The following TMEM131L variants were observed in gnomAD, a reference collection of about 807,000 sequenced individuals.
TMEM131L encodes transmembrane protein 131-like.
Under a neutral mutation model 192.2 loss-of-function variants are expected in TMEM131L, and 54 were observed. That is an observed-to-expected ratio of 0.28 (90% CI 0.23 to 0.35). TMEM131L has a LOEUF of 0.35. TMEM131L is among the 10% of genes least tolerant of loss of function. TMEM131L has a pLI of 1.00. For synonymous variants in TMEM131L, 701 were observed against 704.9 expected (o/e 0.99, Z 0.09); for missense variants, 1,888 against 1,972.9 (o/e 0.96, Z 0.82).
At chr4:153,588,552 A>T (rs924373244) in intron 15 of TMEM131L, among the ~76,000 whole-genome samples, 2 of 151,132 alleles carry the variant, frequency 1.3e-5, no homozygotes, top group Non-Finnish European at 2.9e-5. Flanking sequence ...GATGATTAGC[A>T]TGTGTGTGGA....
At chr4:153,609,089 A>T (rs1347186695) in intron 25 of TMEM131L, among the ~76,000 whole-genome samples, 1 of 152,196 alleles carries the variant, frequency 6.6e-6, no homozygotes, top group Non-Finnish European at 1.5e-5. Flanking sequence ...ACTTAATAGG[A>T]TGACTTGGTG....
At chr4:153,535,486 T>A (rs1402839085) in intron 3 of TMEM131L, among the ~76,000 whole-genome samples, 2 of 152,124 alleles carry the variant, frequency 1.3e-5, no homozygotes, top group African/African-American at 4.8e-5. Context: ...GCCTGGGGTG[T>A]CTCTGCATTC....
At chr4:153,597,349 A>G (rs1731514190) in intron 20 of TMEM131L, among the ~76,000 whole-genome samples, 1 of 151,978 alleles carries the variant, frequency 6.6e-6, no homozygotes, top group Non-Finnish European at 1.5e-5. Context: ...GTACAGAGAC[A>G]AACTTTATTT....
intron 27 of TMEM131L, among the ~76,000 whole-genome samples, chr4:153,621,229 C>T (rs182116121): frequency 4.4e-4 from 67 of 152,238 alleles, no homozygotes; most frequent in Non-Finnish European, 7.2e-4. Flanking sequence ...GAGAAAACCA[C>T]GGGGCACAGG....
At chr4:153,609,184 G>C (rs897102344) in intron 25 of TMEM131L, among the ~76,000 whole-genome samples, 1 of 152,158 alleles carries the variant, frequency 6.6e-6, no homozygotes, top group African/African-American at 2.4e-5. Context: ...AGTTCTGTGG[G>C]CTGTACAGGC....
chr4:153,508,920 A>G (rs1734167282), intron 3 of TMEM131L, among the ~76,000 whole-genome samples: 2 of 152,126 alleles, frequency 1.3e-5, no homozygotes, highest in South Asian at 4.1e-4. Context: ...CTAGGATTAC[A>G]GGCATGAGCC....
At chr4:153,601,819 A>G (rs565595728) in intron 21 of TMEM131L, 1 of 170,098 alleles carries the variant, frequency 5.9e-6, no homozygotes, top group East Asian at 1.8e-4. Context: ...AAATCAAACT[A>G]TTTGACTTTT....
At chr4:153,605,051 T>C (rs1449535639) in intron 25 of TMEM131L, among the ~76,000 whole-genome samples, 4 of 152,210 alleles carry the variant, frequency 2.6e-5, no homozygotes, top group Non-Finnish European at 4.4e-5. Context: ...TAAAAATTAA[T>C]CAGCCCATGA....
At chr4:153,586,573 C>G (rs921835145) in intron 14 of TMEM131L, among the ~76,000 whole-genome samples, 194 bp downstream of exon 14, 3 of 152,046 alleles carry the variant, frequency 2.0e-5, no homozygotes, top group African/African-American at 7.2e-5. Flanking sequence ...AAAGAGTTTT[C>G]TTTTTTATAA....
intron 32 of TMEM131L, 39 bp from the exon 33 acceptor site, chr4:153,634,153 C>T: frequency 1.3e-6 from 2 of 1,517,060 alleles, no homozygotes; most frequent in South Asian, 2.2e-5. Context: ...GATGTCTTGA[C>T]ATCCTGTTTC....
rs1007719508 is a variant in TMEM131L at position 153,549,986 on chromosome 4, A to C, written c.240-87A>C. 4 of 566,688 alleles carry C rather than the reference A, an allele frequency of 7.1e-6. No homozygotes were observed. The African/African-American group carries it at 7.8e-5, about 11-fold the overall frequency. 35.1% of individuals were successfully genotyped at this position (566,688 alleles called of 1,614,324 possible). A position where few individuals can be genotyped will look rare whatever the true frequency, so the allele number is the denominator to read the frequency against. On this transcript the variant is annotated intron_variant, in intron 3 of 34. Coordinates refer to ENST00000409959, the MANE Select transcript of TMEM131L (RefSeq NM_001131007.2). Reference sequence around the variant, plus strand: ...GAGGGAGTAAAATTATATGTCATGCATTGAGAGTCATTAGTCTAAGTACGT... The same window carrying C: ...GAGGGAGTAAAATTATATGTCATGCCTTGAGAGTCATTAGTCTAAGTACGT...
chr4:153,603,271 G>A (rs1284386045), intron 23 of TMEM131L, 32 bp from the exon 24 acceptor site: 1 of 1,600,416 alleles, frequency 6.2e-7, no homozygotes, highest in Admixed American at 1.7e-5. Context: ...TCAGAACCAT[G>A]CAATACTGAA....
intron 3 of TMEM131L, among the ~76,000 whole-genome samples, chr4:153,476,923 G>A (rs775589756): frequency 2.0e-5 from 3 of 152,172 alleles, no homozygotes; most frequent in South Asian, 4.1e-4. Context: ...GTACAGTGTG[G>A]CAGAGATTAC....
intron 18 of TMEM131L, 60 bp downstream of exon 18, chr4:153,592,644 C>A: frequency 9.1e-7 from 1 of 1,100,762 alleles, no homozygotes; most frequent in Non-Finnish European, 1.4e-6. Flanking sequence ...CTTAGAATTA[C>A]TTAATGTCCT....
At chr4:153,481,222 T>C (rs1731917989) in intron 3 of TMEM131L, among the ~76,000 whole-genome samples, 1 of 152,144 alleles carries the variant, frequency 6.6e-6, no homozygotes, top group Admixed American at 6.6e-5. Context: ...CTGGCACTTA[T>C]CTTAGCAGAA....
chr4:153,631,913 T>C (rs1266418971), intron 31 of TMEM131L, among the ~76,000 whole-genome samples: 1 of 152,232 alleles, frequency 6.6e-6, no homozygotes, highest in East Asian at 1.9e-4. Context: ...GTACTGTTTC[T>C]GCTGCCTGGA....
intron 2 of TMEM131L, among the ~76,000 whole-genome samples, chr4:153,472,433 A>G (rs556961245): frequency 3.3e-5 from 5 of 152,262 alleles, no homozygotes; most frequent in South Asian, 2.1e-4. Flanking sequence ...TCATATCCAC[A>G]TGTAGTTAAG....
At position 153,534,543 on chromosome 4, in the gene TMEM131L, C is replaced by T. The variant is rs548363683; in HGVS notation, c.240-15530C>T. On this transcript the variant is annotated intron_variant, in intron 3 of 34. Coordinates refer to ENST00000409959, the MANE Select transcript of TMEM131L (RefSeq NM_001131007.2). ...TTGCCTCCCGGGTTCAAGCGATTCT[C>T]CTGCCTCAGCCTCCCTAGTAGCTGG... is the stretch of plus-strand genomic sequence containing the variant. Among the ~76,000 whole-genome samples the T allele has an allele frequency of 2.6e-5, 4 of 152,296 alleles. No individual in the cohort carries two copies. In the South Asian group the frequency reaches 8.3e-4, roughly 32 times the overall value.
At chr4:153,522,657 C>G (rs62324711) in intron 3 of TMEM131L, among the ~76,000 whole-genome samples, 1 of 152,156 alleles carries the variant, frequency 6.6e-6, no homozygotes, top group Non-Finnish European at 1.5e-5. Context: ...TATTTTTTAT[C>G]CCCAGCACCT....
Sources: gnomAD v4.1 joint callset for allele counts (sites outside exome capture counted in the v4.1 genomes callset) on GRCh38, gnomAD v4.1.1 for gene constraint, MANE v1.5 for transcripts, NCBI Gene and HGNC (gene_info 2026-07-23, HGNC 2026-07-21) for gene names.